CSMD1: variants seen among roughly 807,000 people sequenced by gnomAD.
The protein encoded by CSMD1 is CUB and Sushi multiple domains 1, also known as CUB and sushi domain-containing protein 1.
CSMD1 carries 213 observed loss-of-function variants against 417.5 expected under a neutral mutation model. The ratio of observed to expected loss-of-function variants is 0.51; its 90% CI spans 0.46 to 0.57. CSMD1 has a LOEUF of 0.57. Ranked by LOEUF, CSMD1 falls within the 20% of genes least tolerant of loss-of-function variation. CSMD1 has a pLI of 0.00. For synonymous variants in CSMD1, 2,862 were observed against 1,736.8 expected (o/e 1.65, Z -16.11); for missense variants, 6,923 against 4,529.7 (o/e 1.53, Z -15.17).
chr8:3,882,222 G>GA lies in CSMD1; in HGVS notation c.818+115680dup, dbSNP rs755553803. Among the ~76,000 whole-genome samples, 78 of 151,084 alleles carry GA rather than the reference G, an allele frequency of 5.2e-4. No homozygotes were observed. The Middle Eastern group carries it at 0.021, about 40-fold the overall frequency. Reference sequence around the variant, plus strand: ...AAAGAGAGAGACAACCCATAAAGTGGAAAAAAAAGTAATTGATTTGAACTG... The same window carrying GA: ...AAAGAGAGAGACAACCCATAAAGTGGAAAAAAAAAGTAATTGATTTGAACTG... On this transcript the variant is annotated intron_variant, in intron 5 of 69. Transcript: ENST00000635120.
intron 3 of CSMD1, among the ~76,000 whole-genome samples, chr8:4,317,305 A>T (rs1197569536): frequency 6.6e-6 from 1 of 152,142 alleles, no homozygotes; most frequent in Non-Finnish European, 1.5e-5. Context: ...GATTTGTATA[A>T]ATTTCCTGCT....
At chr8:4,326,251 G>C (rs569798761) in intron 3 of CSMD1, among the ~76,000 whole-genome samples, 8 of 152,186 alleles carry the variant, frequency 5.3e-5, no homozygotes, top group Non-Finnish European at 1.2e-4. Context: ...GATGACCAAA[G>C]ACTGCAGATC....
At chr8:3,104,588 C>A (rs550140637) in intron 46 of CSMD1, among the ~76,000 whole-genome samples, 4 of 152,124 alleles carry the variant, frequency 2.6e-5, no homozygotes, top group Admixed American at 6.5e-5. Flanking sequence ...ATAATTCATT[C>A]CAAAATGTAT....
chr8:4,639,527 C>G (rs979892464), intron 1 of CSMD1, among the ~76,000 whole-genome samples: 1 of 152,054 alleles, frequency 6.6e-6, no homozygotes, highest in Non-Finnish European at 1.5e-5. Context: ...TGTTTCTTAC[C>G]TTCTTAATAT....
chr8:3,785,931 G>A (rs1799433687), intron 5 of CSMD1, among the ~76,000 whole-genome samples: 1 of 152,210 alleles, frequency 6.6e-6, no homozygotes, highest in Admixed American at 6.5e-5. Flanking sequence ...TTGGAGCCGA[G>A]GAAATGGAAG....
chr8:3,862,204 CA>C (rs1353423448), intron 5 of CSMD1, among the ~76,000 whole-genome samples: 1 of 152,162 alleles, frequency 6.6e-6, no homozygotes, highest in Non-Finnish European at 1.5e-5. Flanking sequence ...AACTCTTTTA[CA>C]AATTATGACA....
chr8:4,926,217 C>G (rs1462468018), intron 1 of CSMD1, among the ~76,000 whole-genome samples: 2 of 152,122 alleles, frequency 1.3e-5, no homozygotes, highest in Non-Finnish European at 2.9e-5. Flanking sequence ...AAAGAGGCTG[C>G]TATTACATTT....
At chr8:4,119,136 T>A (rs1437084615) in intron 3 of CSMD1, among the ~76,000 whole-genome samples, 1 of 152,102 alleles carries the variant, frequency 6.6e-6, no homozygotes, top group African/African-American at 2.4e-5. Flanking sequence ...ACGTACCTAA[T>A]GCATGTCGGG....
intron 1 of CSMD1, among the ~76,000 whole-genome samples, chr8:4,796,328 G>T (rs185848905): frequency 6.6e-6 from 1 of 151,914 alleles, no homozygotes; most frequent in Non-Finnish European, 1.5e-5. Context: ...AGCGACCAAC[G>T]TGATGATCTT....
intron 10 of CSMD1, among the ~76,000 whole-genome samples, chr8:3,519,484 A>G (rs970578694): frequency 3.3e-5 from 5 of 152,204 alleles, no homozygotes; most frequent in Non-Finnish European, 5.9e-5. Context: ...AATTGAGACT[A>G]CATTCAAACT....
At chr8:3,305,543 CA>C (rs1408441882) in intron 25 of CSMD1, among the ~76,000 whole-genome samples, 3 of 151,006 alleles carry the variant, frequency 2.0e-5, no homozygotes, top group African/African-American at 7.3e-5. Context: ...AGCTTGGCCC[CA>C]TTTCCTCTCT....
At chr8:3,412,185 C>A (rs1468498557) in intron 12 of CSMD1, among the ~76,000 whole-genome samples, 1 of 136,898 alleles carries the variant, frequency 7.3e-6, no homozygotes, top group African/African-American at 2.8e-5. Flanking sequence ...TATATATACA[C>A]ACATATACAT....
rs144058146 is a variant in CSMD1, at chr8:3,738,906, C to T, written c.931+15024G>A. On this transcript the variant is annotated intron_variant, in intron 6 of 69. Coordinates refer to ENST00000635120, the MANE Select transcript of CSMD1 (RefSeq NM_033225.6). ...ATTCATAGTCTCGAAATCTGTAAGG[C>T]CTCCATGGTCTTCCCTCTGTCCTTG... Among the ~76,000 whole-genome samples the T allele has an allele frequency of 1.1e-3, 164 of 152,260 alleles. 1 individual carries two copies. The highest frequency in any genetic ancestry group is 3.6e-3 in the African/African-American group (148 of 41,558).
Position 4,865,393 on chromosome 8 carries a change from A to C in CSMD1, c.85+128939T>G, listed in dbSNP as rs559963664. ...ATTTTCTTTCTGCCTATAACTGATG[A>C]CTTTGAGTAATATATACACAGCTTC... On this transcript the variant is annotated intron_variant, in intron 1 of 69. Transcript: ENST00000635120. Among the ~76,000 whole-genome samples, 22 of 151,824 alleles carry C rather than the reference A, an allele frequency of 1.4e-4. 1 individual carries two copies. The South Asian group carries it at 3.9e-3, about 27-fold the overall frequency.
intron 5 of CSMD1, among the ~76,000 whole-genome samples, chr8:3,809,671 G>A (rs1585031527): frequency 6.6e-6 from 1 of 152,166 alleles, no homozygotes; most frequent in Non-Finnish European, 1.5e-5. Context: ...TGATGCTGAT[G>A]CTGCTAATCT....
At chr8:3,752,266 G>C (rs921352475) in intron 6 of CSMD1, among the ~76,000 whole-genome samples, 1 of 152,110 alleles carries the variant, frequency 6.6e-6, no homozygotes, top group African/African-American at 2.4e-5. Flanking sequence ...AAAATTTCAG[G>C]GCAGCTTCTT....
intron 2 of CSMD1, among the ~76,000 whole-genome samples, chr8:4,442,545 C>T (rs1189698093): frequency 2.0e-5 from 3 of 152,104 alleles, no homozygotes; most frequent in East Asian, 3.9e-4. Flanking sequence ...CCTCTCAAAC[C>T]ATATGCAACT....
rs185009337 is a variant in CSMD1, at chr8:4,443,249, G to A, written c.303-23184C>T. Among the ~76,000 whole-genome samples, 39 of 152,274 alleles carry A rather than the reference G, an allele frequency of 2.6e-4. No homozygotes were observed. In the East Asian group the frequency reaches 7.0e-3, roughly 27 times the overall value. On this transcript the variant is annotated intron_variant, in intron 2 of 69. Transcript: ENST00000635120. ...ATTAATGTGTTTTAAGATGGATAAT[G>A]TCAAATCATCAGCATCAATCAATCT...
At position 4,825,785 on chromosome 8, in the gene CSMD1, CA is replaced by C. The variant is rs144781675; in HGVS notation, c.85+168546del. 6.0e-3 allele frequency among the ~76,000 whole-genome samples: 785 copies of C among 130,802 alleles called. 3 individuals are homozygous for C. Among genetic ancestry groups the C allele is most frequent in the Non-Finnish European group, 7.3e-3 (454 of 61,998 alleles). The allele number at this position is 130,802 out of a possible 152,430, so 85.8% of individuals were successfully genotyped here. On this transcript the variant is annotated intron_variant, in intron 1 of 69. Transcript: ENST00000635120. Reference sequence around the variant, plus strand: ...ACATGAAGCTTCTACAAATCAAATGCAAAAAAAAAAGAAAAAAAAAAGAAAT... The same window carrying C: ...ACATGAAGCTTCTACAAATCAAATGCAAAAAAAAAGAAAAAAAAAAGAAAT...
Sources: gnomAD v4.1 joint callset for allele counts (sites outside exome capture counted in the v4.1 genomes callset) on GRCh38, gnomAD v4.1.1 for gene constraint, MANE v1.5 for transcripts, NCBI Gene and HGNC (gene_info 2026-07-23, HGNC 2026-07-21) for gene names.